RTN4RL1: variants seen among roughly 807,000 people sequenced by gnomAD.
RTN4RL1 encodes the protein reticulon 4 receptor like 1.
Under a neutral mutation model 25.6 loss-of-function variants are expected in RTN4RL1, and 7 were observed. That is an observed-to-expected ratio of 0.27 (90% CI 0.16 to 0.51). The LOEUF is 0.51. Among genes scored for constraint, RTN4RL1 ranks in the 20% least tolerant of loss-of-function variants. The pLI is 0.97. For missense variants in RTN4RL1, 500 were observed against 615.6 expected (o/e 0.81, Z 1.99); for synonymous variants, 297 against 288.2 (o/e 1.03, Z -0.31).
chr17:1,979,430 G>A (rs1012366732), intron 1 of RTN4RL1, among the ~76,000 whole-genome samples: 12 of 148,024 alleles, frequency 8.1e-5, no homozygotes, highest in Non-Finnish European at 1.6e-4. Flanking sequence ...TGAGCTATGC[G>A]TGCGCCACTG....
intron 1 of RTN4RL1, among the ~76,000 whole-genome samples, chr17:1,954,368 T>C (rs962512235): frequency 8.0e-5 from 12 of 150,168 alleles, no homozygotes; most frequent in African/African-American, 2.9e-4. Flanking sequence ...CTTCCCTTCC[T>C]TCCTTGCTTC....
chr17:2,003,405 C>T (rs1399482582), intron 1 of RTN4RL1: 1 of 151,880 alleles, frequency 6.6e-6, no homozygotes, highest in Non-Finnish European at 1.5e-5. Context: ...GCCCAGAGTC[C>T]CCCCAGAGCC....
At chr17:1,937,865 C>T (rs984349642) in intron 1 of RTN4RL1, 57 bp from the exon 2 acceptor site, 107 of 1,354,900 alleles carry the variant, frequency 7.9e-5, no homozygotes, top group Non-Finnish European at 9.7e-5. Flanking sequence ...GGACTGGCAC[C>T]GCACCCTCCG....
intron 1 of RTN4RL1, among the ~76,000 whole-genome samples, chr17:1,976,277 C>T (rs1387526247): frequency 6.6e-6 from 1 of 152,228 alleles, no homozygotes. Context: ...TCACTCAACC[C>T]TAGAAGGTCA....
intron 1 of RTN4RL1, among the ~76,000 whole-genome samples, chr17:1,958,536 G>A (rs200072049): frequency 3.2e-4 from 49 of 152,318 alleles, no homozygotes; most frequent in African/African-American, 1.1e-3. Flanking sequence ...TACCATCATC[G>A]GTATCACAAA....
chr17:1,956,288 A>AACGCGT (rs1407462827), intron 1 of RTN4RL1, among the ~76,000 whole-genome samples: 1 of 152,144 alleles, frequency 6.6e-6, no homozygotes, highest in Admixed American at 6.6e-5. Context: ...CGCAGCTCCT[A>AACGCGT]ACGCGTACGG....
intron 1 of RTN4RL1, among the ~76,000 whole-genome samples, chr17:1,951,454 G>T (rs980414766): frequency 6.0e-5 from 9 of 150,968 alleles, no homozygotes; most frequent in Non-Finnish European, 7.4e-5. Flanking sequence ...TTGTTTTTTT[G>T]TTTGTTTGTT....
chr17:1,984,627 C>T (rs1334066862), intron 1 of RTN4RL1, among the ~76,000 whole-genome samples: 1 of 152,182 alleles, frequency 6.6e-6, no homozygotes, highest in Non-Finnish European at 1.5e-5. Flanking sequence ...ATCCTTTCTG[C>T]GACTTTCATC....
chr17:1,938,171 C>G (rs182853157), intron 1 of RTN4RL1, among the ~76,000 whole-genome samples: 2 of 152,336 alleles, frequency 1.3e-5, no homozygotes, highest in South Asian at 2.1e-4. Flanking sequence ...CAGCCTCCTG[C>G]TCTCCTCCTA....
At chr17:1,956,449 G>A (rs1459880577) in intron 1 of RTN4RL1, among the ~76,000 whole-genome samples, 3 of 151,822 alleles carry the variant, frequency 2.0e-5, no homozygotes, top group East Asian at 1.9e-4. Context: ...GTGGGGGGGC[G>A]GGTTCCAGCC....
chr17:1,985,848 T>G (rs962831530), intron 1 of RTN4RL1, among the ~76,000 whole-genome samples: 3 of 151,948 alleles, frequency 2.0e-5, no homozygotes, highest in African/African-American at 7.3e-5. Flanking sequence ...CAATTTGCAT[T>G]TCATCACTGT....
chr17:2,004,090 C>T lies in RTN4RL1; in HGVS notation c.13+20763G>A, dbSNP rs187873721. Among the ~76,000 whole-genome samples the T allele has an allele frequency of 6.9e-3, 990 of 142,738 alleles. 7 individuals carry two copies. The highest frequency in any genetic ancestry group is 0.029 in the Middle Eastern group (6 of 206). The allele number at this position is 142,738 out of a possible 152,430, so 93.6% of individuals were successfully genotyped here. ...TGTCTCAAAAAAACAAAAAGCAGGC[C>T]GGGCGCGGTGGCTCACGCCTGTAAT... is the stretch of plus-strand genomic sequence containing the variant. On this transcript the variant is annotated intron_variant, in intron 1 of 1. Transcript: ENST00000331238.
At chr17:1,939,015 C>T (rs1005212993) in intron 1 of RTN4RL1, among the ~76,000 whole-genome samples, 2 of 151,474 alleles carry the variant, frequency 1.3e-5, no homozygotes, top group Admixed American at 1.3e-4. Context: ...TACCACACTC[C>T]AGCCTGGGTG....
intron 1 of RTN4RL1, among the ~76,000 whole-genome samples, chr17:1,986,211 TC>T (rs1162078046): frequency 2.6e-5 from 4 of 152,074 alleles, no homozygotes; most frequent in Non-Finnish European, 5.9e-5. Context: ...TACCAAGTGC[TC>T]GGCACCCTGT....
chr17:1,999,094 T>TCACACACACACACACACACA (rs59609042), intron 1 of RTN4RL1, among the ~76,000 whole-genome samples: 20 of 147,370 alleles, frequency 1.4e-4, no homozygotes, highest in African/African-American at 4.8e-4. Context: ...ACATGCGCGA[T>TCACACACACACACACACACA]CACACACACA....
chr17:1,990,342 G>A (rs2066903885), intron 1 of RTN4RL1, among the ~76,000 whole-genome samples: 1 of 151,548 alleles, frequency 6.6e-6, no homozygotes, highest in Non-Finnish European at 1.5e-5. Flanking sequence ...ACTCAGCCTG[G>A]GTGACAAAGC....
At chr17:1,962,878 AAAAG>A (rs1327769093) in intron 1 of RTN4RL1, among the ~76,000 whole-genome samples, 1 of 139,486 alleles carries the variant, frequency 7.2e-6, no homozygotes, top group Admixed American at 7.0e-5. Flanking sequence ...AAAAAAAAAA[AAAAG>A]AGATGTGGGA....
Position 1,965,346 on chromosome 17 carries a change from A to C in RTN4RL1, c.14-27538T>G, listed in dbSNP as rs548056486. Among the ~76,000 whole-genome samples, 191 of 149,920 alleles carry C rather than the reference A, an allele frequency of 1.3e-3. 1 individual carries two copies. Among genetic ancestry groups the C allele is most frequent in the African/African-American group, 4.4e-3 (181 of 40,754 alleles). ...AGGCTGGTCTTGAACTCCTGACCTC[A>C]GGTGATCCGCCCACCTCGGCCTCCC... On this transcript the variant is annotated intron_variant, in intron 1 of 1. Coordinates refer to ENST00000331238, the MANE Select transcript of RTN4RL1 (RefSeq NM_178568.4).
intron 1 of RTN4RL1, among the ~76,000 whole-genome samples, chr17:1,977,642 G>A (rs1021080542): frequency 6.6e-6 from 1 of 152,124 alleles, no homozygotes; most frequent in African/African-American, 2.4e-5. Flanking sequence ...AGCGGTAAGT[G>A]GGGGCGGGAG....
Sources: allele counts gnomAD v4.1 joint callset (sites outside exome capture counted in the v4.1 genomes callset), GRCh38; gene constraint gnomAD v4.1.1; transcripts MANE v1.5; gene names NCBI Gene and HGNC (gene_info 2026-07-23, HGNC 2026-07-21).